The following TMC7 variants were observed in gnomAD, a reference collection of about 807,000 sequenced individuals.
TMC7 encodes the protein transmembrane channel like 7, also known as transmembrane channel-like protein 7.
A neutral mutation model predicts 82.9 loss-of-function variants in TMC7; 54 were observed. That is an observed-to-expected ratio of 0.65 (90% CI 0.52 to 0.82). TMC7 has a LOEUF of 0.82. Among genes scored for constraint, TMC7 ranks in the 40% least tolerant of loss-of-function variants. The pLI, the probability that TMC7 is intolerant of heterozygous loss-of-function variation, is 0.00. For missense variants in TMC7, 820 were observed against 901.2 expected (o/e 0.91, Z 1.15); for synonymous variants, 350 against 337.9 (o/e 1.04, Z -0.39).
chr16:19,017,905 C>T (rs1226720623), intron 3 of TMC7, among the ~76,000 whole-genome samples: 2 of 152,130 alleles, frequency 1.3e-5, no homozygotes, highest in Non-Finnish European at 2.9e-5. Flanking sequence ...CTCCTGACCT[C>T]GTCATCCGCC....
intron 1 of TMC7, among the ~76,000 whole-genome samples, chr16:19,008,736 G>T (rs2039284273): frequency 6.6e-6 from 1 of 152,170 alleles, no homozygotes; most frequent in African/African-American, 2.4e-5. Context: ...TTGTTGCCAT[G>T]CATTTGCATG....
intron 1 of TMC7, among the ~76,000 whole-genome samples, chr16:18,986,042 A>T (rs1031299466): frequency 2.0e-5 from 3 of 151,396 alleles, no homozygotes; most frequent in African/African-American, 7.3e-5. Context: ...CTAAAAAAAA[A>T]AGAAGAGGTA....
chr16:19,016,681 C>A, intron 3 of TMC7, 83 bp downstream of exon 3: 1 of 1,426,144 alleles, frequency 7.0e-7, no homozygotes, highest in Non-Finnish European at 9.5e-7. Context: ...CCACTAGGGT[C>A]TAGCTGAAAT....
chr16:19,048,003 C>A (rs1426095136), intron 12 of TMC7, among the ~76,000 whole-genome samples: 2 of 152,032 alleles, frequency 1.3e-5, no homozygotes, highest in Admixed American at 1.3e-4. Flanking sequence ...CCGGCCTACT[C>A]TTGATGAATT....
intron 1 of TMC7, among the ~76,000 whole-genome samples, chr16:18,993,426 T>C (rs1164231152): frequency 6.6e-6 from 1 of 152,204 alleles, no homozygotes; most frequent in Admixed American, 6.5e-5. Flanking sequence ...GATATTTTCC[T>C]TGATCCAAGA....
At chr16:19,042,594 GC>G (rs1596781718) in intron 9 of TMC7, among the ~76,000 whole-genome samples, 2 of 150,056 alleles carry the variant, frequency 1.3e-5, no homozygotes, top group East Asian at 3.9e-4. Flanking sequence ...TGCAAGCTCC[GC>G]CTCCCGGGTT....
intron 9 of TMC7, among the ~76,000 whole-genome samples, chr16:19,041,251 C>T (rs991455625): frequency 3.3e-5 from 5 of 152,024 alleles, no homozygotes; most frequent in African/African-American, 1.2e-4. Context: ...CTTTCACTTA[C>T]ATTTCAGTCA....
intron 5 of TMC7, among the ~76,000 whole-genome samples, chr16:19,025,722 G>T (rs1292258776): frequency 6.6e-6 from 1 of 151,110 alleles, no homozygotes; most frequent in Non-Finnish European, 1.5e-5. Context: ...CCTTGAATTT[G>T]TCCACTGCAT....
intron 1 of TMC7, among the ~76,000 whole-genome samples, chr16:18,993,541 G>C (rs142959956): frequency 6.7e-4 from 102 of 152,298 alleles, no homozygotes; most frequent in African/African-American, 2.4e-3. Context: ...AGGGACAGAA[G>C]TTGAAACGCT....
At chr16:19,023,239 A>G (rs1960068284) in intron 5 of TMC7, 44 bp downstream of exon 5, 6 of 1,303,442 alleles carry the variant, frequency 4.6e-6, no homozygotes, top group Non-Finnish European at 6.5e-6. Context: ...TCAATCTACT[A>G]AAAATTGATT....
intron 1 of TMC7, among the ~76,000 whole-genome samples, chr16:18,995,851 G>A (rs1181218526): frequency 6.6e-6 from 1 of 152,166 alleles, no homozygotes; most frequent in Non-Finnish European, 1.5e-5. Flanking sequence ...GGAGTGGACT[G>A]GGTAATAAAG....
Position 18,983,960 on chromosome 16 carries a change from G to C in TMC7, c.-104G>C, listed in dbSNP as rs1167500816. The C allele has an allele frequency of 2.4e-6, 3 of 1,247,856 alleles. No individual in the cohort carries two copies. Among genetic ancestry groups the C allele is most frequent in the Non-Finnish European group, 3.1e-6 (3 of 970,356 alleles). 77.3% of individuals were successfully genotyped at this position (1,247,856 alleles called of 1,614,324 possible). On this transcript the variant is annotated 5_prime_UTR_variant, in exon 1 of 16. Coordinates refer to ENST00000304381, the MANE Select transcript of TMC7 (RefSeq NM_024847.4). ...CTCCGGCTTCTGTGATGTCAGCGCC[G>C]GAACCTGGAATCCCGGCTCCGCGAG...
intron 5 of TMC7, among the ~76,000 whole-genome samples, chr16:19,025,797 G>T (rs1373256691): frequency 3.4e-5 from 5 of 148,312 alleles, no homozygotes; most frequent in Non-Finnish European, 5.9e-5. Context: ...TGGCTCTGTT[G>T]CTCAGAGAGT....
intron 5 of TMC7, among the ~76,000 whole-genome samples, chr16:19,025,416 C>T (rs1960175763): frequency 6.6e-6 from 1 of 152,050 alleles, no homozygotes; most frequent in African/African-American, 2.4e-5. Flanking sequence ...GTCAGGAGTT[C>T]AAGACCAGCT....
chr16:19,024,879 G>C (rs562412469), intron 5 of TMC7, among the ~76,000 whole-genome samples: 1 of 152,142 alleles, frequency 6.6e-6, no homozygotes, highest in African/African-American at 2.4e-5. Context: ...GGTGGCGGGC[G>C]CCTGTAGTCC....
At chr16:19,047,019 C>T in intron 11 of TMC7, 44 bp from the exon 12 acceptor site, 1 of 1,531,860 alleles carries the variant, frequency 6.5e-7, no homozygotes, top group Non-Finnish European at 8.8e-7. Context: ...GTTCTGTGGC[C>T]TTGGCAGACA....
chr16:19,030,038 G>T (rs1032454550), intron 5 of TMC7, among the ~76,000 whole-genome samples, 186 bp from the exon 6 acceptor site: 1 of 152,158 alleles, frequency 6.6e-6, no homozygotes, highest in African/African-American at 2.4e-5. Context: ...TTTAATGCCA[G>T]GGTTTTATCA....
intron 1 of TMC7, among the ~76,000 whole-genome samples, chr16:18,992,406 T>C (rs914192971): frequency 6.6e-6 from 1 of 152,242 alleles, no homozygotes; most frequent in African/African-American, 2.4e-5. Flanking sequence ...TTTTGAGAAG[T>C]GTCTGTTCAT....
chr16:19,054,740 CTTTTTTTTTTTT>C (rs71143826), intron 13 of TMC7, among the ~76,000 whole-genome samples: 6 of 63,130 alleles, frequency 9.5e-5, no homozygotes, highest in Non-Finnish European at 1.7e-4. Context: ...ATGGGATTTG[CTTTTTTTTTTTT>C]TTTTTTTTTT....
Sources: gnomAD v4.1 joint callset for allele counts (sites outside exome capture counted in the v4.1 genomes callset) on GRCh38, gnomAD v4.1.1 for gene constraint, MANE v1.5 for transcripts, NCBI Gene and HGNC (gene_info 2026-07-23, HGNC 2026-07-21) for gene names.